Variants in IQSEC1 observed in about 807,000 individuals in gnomAD.
IQSEC1 encodes the protein IQ motif and SEC7 domain-containing protein 1.
Under a neutral mutation model 91.0 loss-of-function variants are expected in IQSEC1, and 31 were observed. The ratio of observed to expected loss-of-function variants is 0.34; its 90% CI spans 0.26 to 0.46. The LOEUF (loss-of-function observed/expected upper bound fraction) is 0.46. IQSEC1 is among the 20% of genes least tolerant of loss of function. IQSEC1 has a pLI of 1.00. For missense variants in IQSEC1, 1,388 were observed against 1,575.6 expected (o/e 0.88, Z 2.02); for synonymous variants, 699 against 662.6 (o/e 1.05, Z -0.84).
intron 1 of IQSEC1, among the ~76,000 whole-genome samples, chr3:13,235,175 G>T (rs565709139): frequency 6.6e-6 from 1 of 152,170 alleles, no homozygotes; most frequent in African/African-American, 2.4e-5. Flanking sequence ...TCCAAAGTGG[G>T]GTGGGGCTGC....
chr3:13,218,954 A>G (rs1471897205), intron 1 of IQSEC1, among the ~76,000 whole-genome samples: 1 of 152,004 alleles, frequency 6.6e-6, no homozygotes, highest in Non-Finnish European at 1.5e-5. Context: ...TCACCTACTC[A>G]ATGCCACCCA....
At chr3:13,198,104 A>C (rs1694169288) in intron 1 of IQSEC1, among the ~76,000 whole-genome samples, 1 of 152,116 alleles carries the variant, frequency 6.6e-6, no homozygotes, top group Admixed American at 6.5e-5. Context: ...TTGTGTGAAG[A>C]GGTGCTGAGC....
intron 1 of IQSEC1, among the ~76,000 whole-genome samples, chr3:13,215,478 C>T (rs147769638): frequency 2.0e-5 from 3 of 152,216 alleles, no homozygotes; most frequent in East Asian, 3.9e-4. Context: ...GCAAGAGTTT[C>T]GTTTAAAATC....
chr3:13,203,296 G>A lies in IQSEC1; in HGVS notation c.273-39163C>T, dbSNP rs540520756. ...GTGCTGCCCCTGCAGCTGAGGCGTA[G>A]CAAGGGCTCCCACTGCCACTAGTTC... On this transcript the variant is annotated intron_variant, in intron 1 of 15. Transcript: ENST00000648114. Among the ~76,000 whole-genome samples the A allele has an allele frequency of 2.6e-5, 4 of 152,308 alleles. No individual in the cohort carries two copies. In the South Asian group the frequency reaches 8.3e-4, roughly 32 times the overall value.
intron 1 of IQSEC1, among the ~76,000 whole-genome samples, chr3:13,223,270 G>A (rs1226310524): frequency 6.6e-6 from 1 of 152,202 alleles, no homozygotes; most frequent in Non-Finnish European, 1.5e-5. Flanking sequence ...GGAAATAATG[G>A]AAACATACAA....
In IQSEC1 at chr3:13,267,290, C is replaced by T. The variant is rs10440121; in HGVS notation, c.272+15421G>A. ...CCTTGGACTTCCCAGCCTCCAGAAC[C>T]GTGAGAAATAAATGTCTATTGTTTA... is the stretch of plus-strand genomic sequence containing the variant. On this transcript the variant is annotated intron_variant, in intron 1 of 15. Transcript: ENST00000648114. Among the ~76,000 whole-genome samples, 1,252 of 152,300 alleles carry T rather than the reference C, an allele frequency of 8.2e-3. 14 individuals are homozygous for T. Among genetic ancestry groups the T allele is most frequent in the South Asian group, 0.034 (162 of 4,820 alleles).
At chr3:13,206,349 G>C (rs1327458623) in intron 1 of IQSEC1, among the ~76,000 whole-genome samples, 1 of 152,322 alleles carries the variant, frequency 6.6e-6, no homozygotes. Flanking sequence ...CTTCACAAAA[G>C]AGGAAAGTCT....
chr3:13,100,065 G>C lies in IQSEC1; in HGVS notation c.303-52543C>G, dbSNP rs1706031714. ...TTGGGAGAGTTCCGAGTAGGAGGATGGGAGGAGTCCGCTGGATTTGTGCTG... is the reference window on the plus strand; with the variant it reads ...TTGGGAGAGTTCCGAGTAGGAGGATCGGAGGAGTCCGCTGGATTTGTGCTG... On this transcript the variant is annotated intron_variant, in intron 2 of 15. Transcript: ENST00000648114. Among the ~76,000 whole-genome samples the C allele has an allele frequency of 1.4e-5, 2 of 147,952 alleles. 1 individual carries two copies. The highest frequency in any genetic ancestry group is 3.0e-5 in the Non-Finnish European group (2 of 66,940).
chr3:13,161,707 T>C (rs1208880162), intron 2 of IQSEC1, among the ~76,000 whole-genome samples: 1 of 152,238 alleles, frequency 6.6e-6, no homozygotes, highest in African/African-American at 2.4e-5. Flanking sequence ...TCTACTGCGA[T>C]GTCCACACGG....
intron 2 of IQSEC1, among the ~76,000 whole-genome samples, chr3:13,082,139 T>C (rs562760095): frequency 2.8e-4 from 43 of 152,318 alleles, no homozygotes; most frequent in South Asian, 1.4e-3. Context: ...GCATCCCAGC[T>C]CTGTCACCTA....
At chr3:13,281,043 G>A (rs891949544) in intron 1 of IQSEC1, among the ~76,000 whole-genome samples, 1 of 152,238 alleles carries the variant, frequency 6.6e-6, no homozygotes, top group African/African-American at 2.4e-5. Flanking sequence ...GGTCACCAGG[G>A]GTGACGCTGA....
intron 1 of IQSEC1, among the ~76,000 whole-genome samples, chr3:12,968,788 C>T (rs1417710490): frequency 6.6e-6 from 1 of 152,250 alleles, no homozygotes; most frequent in East Asian, 1.9e-4. Context: ...AGTCCATCTC[C>T]TGGAGGGCCA....
chr3:13,074,173 C>G (rs1705523435), upstream of IQSEC1, among the ~76,000 whole-genome samples: 2 of 152,182 alleles, frequency 1.3e-5, no homozygotes. Context: ...GCAGGGACCC[C>G]AAGAGAGGCG....
At chr3:13,169,022 C>A (rs1015558168) in intron 1 of IQSEC1, among the ~76,000 whole-genome samples, 2 of 152,126 alleles carry the variant, frequency 1.3e-5, no homozygotes, top group African/African-American at 4.8e-5. Flanking sequence ...TTATAGAGTT[C>A]CTGCAAAATT....
chr3:12,952,117 G>T (rs570496328), intron 1 of IQSEC1, among the ~76,000 whole-genome samples: 1 of 152,130 alleles, frequency 6.6e-6, no homozygotes, highest in Non-Finnish European at 1.5e-5. Context: ...GGAGAAGGTG[G>T]GGGTCAGGAG....
chr3:13,123,217 G>C (rs572834411), intron 2 of IQSEC1, among the ~76,000 whole-genome samples: 1 of 152,356 alleles, frequency 6.6e-6, no homozygotes, highest in Admixed American at 6.5e-5. Flanking sequence ...GTTATTACCA[G>C]GCAGTAATGA....
intron 1 of IQSEC1, among the ~76,000 whole-genome samples, chr3:12,961,121 C>A (rs920728668): frequency 8.5e-5 from 13 of 152,250 alleles, no homozygotes; most frequent in African/African-American, 3.1e-4. Flanking sequence ...CCCCTGAGGC[C>A]AGGCTCTGCA....
chr3:13,066,658 G>A (rs1021072671), intron 1 of IQSEC1, among the ~76,000 whole-genome samples: 7 of 152,248 alleles, frequency 4.6e-5, no homozygotes, highest in African/African-American at 7.2e-5. Context: ...GCCCCAGAGC[G>A]GCTGAGGAGA....
chr3:12,907,753 A>G (rs1695135496), intron 12 of IQSEC1, among the ~76,000 whole-genome samples: 1 of 152,182 alleles, frequency 6.6e-6, no homozygotes, highest in Admixed American at 6.5e-5. Flanking sequence ...GCTGGCAGCA[A>G]ATTAAACACA....
Sources: allele counts gnomAD v4.1 joint callset (sites outside exome capture counted in the v4.1 genomes callset), GRCh38; gene constraint gnomAD v4.1.1; transcripts MANE v1.5; gene names NCBI Gene and HGNC (gene_info 2026-07-23, HGNC 2026-07-21).